Variants in ARSG observed in about 807,000 individuals in gnomAD.
ARSG encodes arylsulfatase G, also known as ASG.
In ARSG, 37 loss-of-function variants were observed where a neutral mutation model predicts 50.5. The observed-to-expected ratio is 0.73, with a 90% CI of 0.56 to 0.96. The LOEUF (loss-of-function observed/expected upper bound fraction) is 0.96, where lower values mean the gene tolerates loss of function less well. Among genes scored for constraint, ARSG ranks in the 50% least tolerant of loss-of-function variants. The pLI, the probability that ARSG is intolerant of heterozygous loss-of-function variation, is 0.00. For missense variants in ARSG, 629 were observed against 675.3 expected, an observed-to-expected ratio of 0.93 and a Z score of 0.76; for synonymous variants, 225 against 254.6, an observed-to-expected ratio of 0.88 and a Z score of 1.11.
intron 1 of ARSG, among the ~76,000 whole-genome samples, chr17:68,294,798 C>G (rs2076148664): frequency 6.6e-6 from 1 of 152,166 alleles, no homozygotes; most frequent in African/African-American, 2.4e-5. Flanking sequence ...ACCGATGGTA[C>G]AGGTAGTTCT....
chr17:68,328,568 G>A (rs2077596284), intron 2 of ARSG, among the ~76,000 whole-genome samples: 1 of 152,152 alleles, frequency 6.6e-6, no homozygotes, highest in Non-Finnish European at 1.5e-5. Flanking sequence ...TGACAGTTCT[G>A]CTAGAGTATA....
chr17:68,426,153 C>T (rs537010882), downstream of ARSG: 20 of 1,612,060 alleles, frequency 1.2e-5, no homozygotes, highest in South Asian at 4.4e-5. Flanking sequence ...CTCCTCGCAG[C>T]GCCCCGCCGT....
At chr17:68,429,965 T>C in the ARSG span, 2 of 1,613,134 alleles carry the variant, frequency 1.2e-6, no homozygotes, top group Non-Finnish European at 1.7e-6. Flanking sequence ...GAAAGTGTGG[T>C]CTTGTTCAGA....
intron 11 of ARSG, 116 bp from the exon 12 acceptor site, chr17:68,420,073 G>C (rs1303012593): frequency 8.3e-7 from 1 of 1,210,048 alleles, no homozygotes; most frequent in Non-Finnish European, 1.2e-6. Flanking sequence ...GCCATCATTG[G>C]AACATTTGGT....
chr17:68,437,083 A>T, the ARSG span, among the ~76,000 whole-genome samples: 26 of 151,572 alleles, frequency 1.7e-4, no homozygotes, highest in Non-Finnish European at 3.1e-4. Context: ...CTGAAACAGC[A>T]TCTACTTTTC....
Position 68,325,477 on chromosome 17 carries a change from C to T in ARSG, c.218+17766C>T, listed in dbSNP as rs533506178. ...TAAATGTAATGCATTTGAATCATCTCGAAACCATCCCTCCCAACCCCTGTC... is the reference window on the plus strand; with the variant it reads ...TAAATGTAATGCATTTGAATCATCTTGAAACCATCCCTCCCAACCCCTGTC... On this transcript the variant is annotated intron_variant, in intron 2 of 11. Transcript: ENST00000621439. Among the ~76,000 whole-genome samples, 13 of 152,170 alleles carry T rather than the reference C, an allele frequency of 8.5e-5. No homozygotes were observed. In the South Asian group the frequency reaches 2.3e-3, roughly 27 times the overall value.
chr17:68,443,967 T>C, the ARSG span, among the ~76,000 whole-genome samples: 1 of 152,214 alleles, frequency 6.6e-6, no homozygotes, highest in Non-Finnish European at 1.5e-5. Flanking sequence ...CAGGAATGTA[T>C]TAAATAGTGT....
chr17:68,317,465 GTT>G (rs782252934), intron 2 of ARSG, among the ~76,000 whole-genome samples: 2 of 140,534 alleles, frequency 1.4e-5, no homozygotes, highest in Non-Finnish European at 1.6e-5. Context: ...GAACTGTTTT[GTT>G]TTTTTTTTTT....
At chr17:68,275,875 C>T (rs1388971187) in intron 1 of ARSG, among the ~76,000 whole-genome samples, 4 of 151,154 alleles carry the variant, frequency 2.6e-5, no homozygotes, top group East Asian at 2.0e-4. Context: ...CCCAGCTACT[C>T]GGGAGGCTAA....
intron 1 of ARSG, among the ~76,000 whole-genome samples, chr17:68,264,408 C>G (rs1374151261): frequency 1.3e-5 from 2 of 151,946 alleles, no homozygotes; most frequent in African/African-American, 2.4e-5. Flanking sequence ...GTATTAGTTA[C>G]GGATACATAG....
intron 9 of ARSG, among the ~76,000 whole-genome samples, chr17:68,389,437 C>A (rs2147076984): frequency 6.6e-6 from 1 of 152,098 alleles, no homozygotes; most frequent in Admixed American, 6.5e-5. Flanking sequence ...GCTTGCCCCT[C>A]ATGTCTCCAC....
chr17:68,279,832 A>T lies in ARSG; in HGVS notation c.-552+20406A>T, dbSNP rs1024837253. 3.9e-5 allele frequency among the ~76,000 whole-genome samples: 6 copies of T among 152,338 alleles called. No homozygotes were observed. The Middle Eastern group carries it at 0.01, about 259-fold the overall frequency. On this transcript the variant is annotated intron_variant, in intron 1 of 11. Transcript: ENST00000448504. ...CTAACTAAAAATTAATGATATCTAT[A>T]ATAATCAATGAGTCCATGGTCTTCA...
chr17:68,305,354 C>G (rs7226099), intron 1 of ARSG, among the ~76,000 whole-genome samples: 31,906 of 152,110 alleles, frequency 0.21, 3,546 homozygotes, highest in African/African-American at 0.27. Context: ...TCTTCTTGCA[C>G]TAGCCTCATG....
intron 1 of ARSG, among the ~76,000 whole-genome samples, chr17:68,284,485 C>G (rs543363989): frequency 2.6e-5 from 4 of 152,098 alleles, no homozygotes; most frequent in African/African-American, 9.7e-5. Context: ...GGTCAGGGTG[C>G]ATTATATCCT....
Position 68,368,608 on chromosome 17 carries a change from T to C in ARSG, c.765T>C (p.Pro255=), listed in dbSNP as rs1558877. 841,665 of 1,613,214 alleles carry C rather than the reference T, an allele frequency of 0.52. 222,633 individuals carry two copies. The highest frequency in any genetic ancestry group is 0.64 in the African/African-American group (47,807 of 74,952). ...TGGCCCACATGCACGTGCCCTTACCTGTGACTCAGCTACCAGCAGCGCCAC... is the reference window on the plus strand; with the variant it reads ...TGGCCCACATGCACGTGCCCTTACCCGTGACTCAGCTACCAGCAGCGCCAC... ...VALAHMHVPL[P]VTQLPAAPRG... The change falls in exon 7 of 12, where the codon CCT becomes CCC. Residue 255 remains proline, a synonymous_variant. Coordinates refer to ENST00000621439, the MANE Select transcript of ARSG (RefSeq NM_001267727.2).
rs1322905477 is a variant in ARSG at position 68,378,994 on chromosome 17, G to A, written c.983-6070G>A. ...GACAGAGCAAGGGATAAGGGACTCT[G>A]GCTGTTGGCCCTGGCTGGGGACAGG... On this transcript the variant is annotated intron_variant, in intron 8 of 11. Transcript: ENST00000621439. The surrounding 1 kb of genome is among the most constrained non-coding windows in gnomAD (Gnocchi z 4.4). Among the ~76,000 whole-genome samples, 1 of 152,134 alleles carries A rather than the reference G, an allele frequency of 6.6e-6. No homozygotes were observed. Among genetic ancestry groups the A allele is most frequent in the Non-Finnish European group, 1.5e-5 (1 of 68,006 alleles).
At chr17:68,284,804 G>A (rs979954623) in intron 1 of ARSG, among the ~76,000 whole-genome samples, 4 of 152,114 alleles carry the variant, frequency 2.6e-5, no homozygotes, top group Non-Finnish European at 5.9e-5. Context: ...TTAAAATAAG[G>A]CATAAGATGC....
At chr17:68,400,673 GGACCCTGT>G (rs1055963999) in intron 10 of ARSG, 13 of 152,302 alleles carry the variant, frequency 8.5e-5, no homozygotes, top group African/African-American at 3.1e-4. Context: ...GCACTTGGAG[GGACCCTGT>G]GCTTGGTTTA....
At chr17:68,440,121 G>C in the ARSG span, among the ~76,000 whole-genome samples, 1 of 152,180 alleles carries the variant, frequency 6.6e-6, no homozygotes, top group Non-Finnish European at 1.5e-5. Context: ...GGCATACTCT[G>C]ACACATACCA....
Sources: gnomAD v4.1 joint callset for allele counts (sites outside exome capture counted in the v4.1 genomes callset) on GRCh38, gnomAD v4.1.1 for gene constraint, Gnocchi (gnomAD v3.1) non-coding constraint, MANE v1.5 for transcripts, NCBI Gene and HGNC (gene_info 2026-07-23, HGNC 2026-07-21) for gene names.